Variants in HEXB observed in about 807,000 individuals in gnomAD.
HEXB encodes the protein hexosaminidase subunit beta.
HEXB carries 51 observed loss-of-function variants against 71.2 expected under a neutral mutation model. The ratio of observed to expected loss-of-function variants is 0.72; its 90% CI spans 0.57 to 0.90. The LOEUF is 0.90. HEXB is among the 40% of genes least tolerant of loss of function. HEXB has a pLI of 0.00. For synonymous variants in HEXB, 266 were observed against 249.3 expected (o/e 1.07, Z -0.63); for missense variants, 617 against 677.0 (o/e 0.91, Z 0.98).
At chr5:74,682,463 A>G (rs1748757764), upstream of HEXB, among the ~76,000 whole-genome samples, 1 of 152,264 alleles carries the variant, frequency 6.6e-6, no homozygotes, top group Non-Finnish European at 1.5e-5. Context: ...TCTAATCCAG[A>G]ATCACCCAGC....
chr5:74,709,539 A>C (rs1387989479), intron 6 of HEXB, among the ~76,000 whole-genome samples: 7 of 152,160 alleles, frequency 4.6e-5, no homozygotes, highest in South Asian at 2.1e-4. Context: ...AATTGATAGA[A>C]CGCTAGCAAG....
chr5:74,643,838 C>G (rs1444072071), intron 1 of HEXB, among the ~76,000 whole-genome samples: 1 of 152,202 alleles, frequency 6.6e-6, no homozygotes, highest in South Asian at 2.1e-4. Context: ...CTCCGGTGGT[C>G]TCCTGAAGCC....
intron 1 of HEXB, 39 bp downstream of exon 1, chr5:74,685,598 A>T: frequency 1.3e-6 from 2 of 1,506,584 alleles, no homozygotes; most frequent in South Asian, 2.6e-5. Context: ...GTCCTGGGGG[A>T]GGGGAGAGGC....
chr5:74,668,417 G>C (rs943491024), intron 1 of HEXB, among the ~76,000 whole-genome samples: 2 of 152,172 alleles, frequency 1.3e-5, no homozygotes, highest in Non-Finnish European at 2.9e-5. Context: ...TCTTTGCTAT[G>C]TAAGAGAATT....
intron 1 of HEXB, among the ~76,000 whole-genome samples, chr5:74,675,535 G>A (rs998253266): frequency 6.6e-6 from 1 of 152,152 alleles, no homozygotes; most frequent in Non-Finnish European, 1.5e-5. Flanking sequence ...GCCATTCTGT[G>A]AGGGAGGAGA....
intron 9 of HEXB, among the ~76,000 whole-genome samples, chr5:74,717,218 C>T (rs907407088): frequency 6.6e-6 from 1 of 152,036 alleles, no homozygotes; most frequent in Non-Finnish European, 1.5e-5. Context: ...ATATAAAACT[C>T]AGCTTGAAGC....
intron 11 of HEXB, among the ~76,000 whole-genome samples, chr5:74,719,471 C>A (rs1054751718): frequency 2.6e-5 from 4 of 152,112 alleles, no homozygotes; most frequent in African/African-American, 7.2e-5. Context: ...GCTCTCAGAT[C>A]CCCTTCATAA....
chr5:74,662,790 AC>A (rs1748351477), intron 1 of HEXB, among the ~76,000 whole-genome samples: 1 of 152,224 alleles, frequency 6.6e-6, no homozygotes, highest in Non-Finnish European at 1.5e-5. Flanking sequence ...AAATGTATTA[AC>A]CAGCTATAAT....
At chr5:74,669,087 G>C (rs1484599049) in intron 1 of HEXB, among the ~76,000 whole-genome samples, 3 of 152,076 alleles carry the variant, frequency 2.0e-5, no homozygotes, top group African/African-American at 7.2e-5. Flanking sequence ...TAGTAGCTGG[G>C]ATGACAGGAG....
At chr5:74,679,873 T>C (rs1304009296) in intron 1 of HEXB, among the ~76,000 whole-genome samples, 2 of 137,922 alleles carry the variant, frequency 1.5e-5, no homozygotes, top group Non-Finnish European at 1.6e-5. Context: ...CAGGAAAACA[T>C]GGTCTAAATA....
chr5:74,700,967 C>T (rs1213687291), intron 5 of HEXB, among the ~76,000 whole-genome samples: 4 of 152,132 alleles, frequency 2.6e-5, no homozygotes, highest in South Asian at 2.1e-4. Context: ...CTCAGCTTCC[C>T]GAAGTGCTGG....
In HEXB at chr5:74,694,733, G is replaced by A. The variant is rs571783128; in HGVS notation, c.511+1029G>A. Among the ~76,000 whole-genome samples, 53 of 152,244 alleles carry A rather than the reference G, an allele frequency of 3.5e-4. No homozygotes were observed. The South Asian group carries it at 0.01, about 30-fold the overall frequency. On this transcript the variant is annotated intron_variant, in intron 3 of 13. Coordinates refer to ENST00000261416, the MANE Select transcript of HEXB (RefSeq NM_000521.4). The stretch of plus-strand genomic sequence containing the variant: ...TAATCCCACCACTTTGGGAGGTTGA[G>A]GCAGGCAGATCACTTGAGGTCAGGA...
Position 74,714,953 on chromosome 5 carries a change from T to G in HEXB, c.902-557T>G, listed in dbSNP as rs147145348. Among the ~76,000 whole-genome samples, 300 of 152,232 alleles carry G rather than the reference T, an allele frequency of 2.0e-3. 3 individuals are homozygous for G. The highest frequency in any genetic ancestry group is 6.7e-3 in the African/African-American group (280 of 41,534). ...GAAAACCTTTGGGAAAGTGACAGAT[T>G]GGAGTTCTGGACCAGGAGGGTGATA... On this transcript the variant is annotated intron_variant, in intron 7 of 13. Transcript: ENST00000261416.
chr5:74,659,708 C>G (rs1305126172), intron 1 of HEXB, among the ~76,000 whole-genome samples: 1 of 152,102 alleles, frequency 6.6e-6, no homozygotes, highest in African/African-American at 2.4e-5. Flanking sequence ...AATTCTTTCT[C>G]CCTTATCTTT....
intron 5 of HEXB, among the ~76,000 whole-genome samples, chr5:74,701,441 A>G (rs1018985248): frequency 2.0e-5 from 3 of 152,166 alleles, no homozygotes; most frequent in Non-Finnish European, 4.4e-5. Flanking sequence ...TTTCTGAGCA[A>G]TCTACAATTC....
chr5:74,692,632 C>T (rs149818526), intron 2 of HEXB, among the ~76,000 whole-genome samples: 1 of 152,340 alleles, frequency 6.6e-6, no homozygotes, highest in Admixed American at 6.5e-5. Context: ...AGAAGACTAT[C>T]ACCTGAGATG....
rs1749814511 is a variant in HEXB at position 74,720,715 on chromosome 5, C to T, written c.1581C>T (p.Asp527=). The T allele has an allele frequency of 1.2e-6, 2 of 1,614,044 alleles. No individual in the cohort carries two copies. The highest frequency in any genetic ancestry group is 1.7e-6 in the Non-Finnish European group (2 of 1,179,902). Residue 527 remains aspartate, a synonymous_variant, in exon 13 of 14, where the codon GAC becomes GAT. Transcript: ENST00000261416. ...KDVRDMDDAY[D]RLTRHRCRMV... ...TCAGAGATATGGATGACGCCTATGA[C>T]AGACTGACAAGGCACCGCTGCAGGA...
intron 1 of HEXB, among the ~76,000 whole-genome samples, chr5:74,668,213 T>G (rs1748469693): frequency 7.6e-6 from 1 of 131,636 alleles, no homozygotes; most frequent in South Asian, 2.5e-4. Flanking sequence ...TATTTTGTTT[T>G]TTTGTTTTTG....
chr5:74,702,440 C>T (rs1749286976), intron 5 of HEXB, among the ~76,000 whole-genome samples: 2 of 152,054 alleles, frequency 1.3e-5, no homozygotes, highest in Admixed American at 1.3e-4. Context: ...GTAGAGTATG[C>T]CTTAGCTTGT....
Sources: gnomAD v4.1 joint callset for allele counts (sites outside exome capture counted in the v4.1 genomes callset) on GRCh38, gnomAD v4.1.1 for gene constraint, MANE v1.5 for transcripts, NCBI Gene and HGNC (gene_info 2026-07-23, HGNC 2026-07-21) for gene names.